KDM3B: variants seen among roughly 807,000 people sequenced by gnomAD.
KDM3B encodes the protein lysine-specific demethylase 3B.
KDM3B carries 10 observed loss-of-function variants against 170.0 expected under a neutral mutation model. That is an observed-to-expected ratio of 0.06 (90% CI 0.04 to 0.10). KDM3B has a LOEUF of 0.10. KDM3B is among the 10% of genes least tolerant of loss of function. KDM3B has a pLI of 1.00. For missense variants in KDM3B, 1,394 were observed against 2,195.2 expected, an observed-to-expected ratio of 0.64 and a Z score of 7.29; for synonymous variants, 831 against 834.8, an observed-to-expected ratio of 1.00 and a Z score of 0.08.
At position 138,378,058 on chromosome 5, in the gene KDM3B, A is replaced by G. The variant is rs538734327; in HGVS notation, c.580+233A>G. On this transcript the variant is annotated intron_variant, in intron 4 of 23. Transcript: ENST00000314358. ...AGATCTCATTCTCTCTCCATCACTC[A>G]CTCGTCTTATGGAGGTGTCTGTAAC... Among the ~76,000 whole-genome samples, 9 of 152,088 alleles carry G rather than the reference A, an allele frequency of 5.9e-5. No homozygotes were observed. The South Asian group carries it at 1.5e-3, about 25-fold the overall frequency.
At chr5:138,374,139 A>C (rs1761938939) in intron 2 of KDM3B, among the ~76,000 whole-genome samples, 1 of 151,446 alleles carries the variant, frequency 6.6e-6, no homozygotes, top group African/African-American at 2.4e-5. Context: ...GATTACAGGC[A>C]TGCGCCACCA....
intron 7 of KDM3B, among the ~76,000 whole-genome samples, chr5:138,390,759 A>G (rs547595231): frequency 4.1e-4 from 62 of 152,332 alleles, no homozygotes; most frequent in African/African-American, 1.4e-3. Context: ...ATAACAACCA[A>G]GGGAATTGCA....
At chr5:138,370,255 A>G (rs1183898827) in intron 1 of KDM3B, among the ~76,000 whole-genome samples, 1 of 152,198 alleles carries the variant, frequency 6.6e-6, no homozygotes, top group Non-Finnish European at 1.5e-5. Context: ...AATGAAGCTT[A>G]CTTTTCTCAT....
At chr5:138,387,741 T>A (rs1224252621) in intron 7 of KDM3B, among the ~76,000 whole-genome samples, 1 of 152,312 alleles carries the variant, frequency 6.6e-6, no homozygotes, top group East Asian at 1.9e-4. Flanking sequence ...GAGGATCTTA[T>A]ATGGATTTCC....
At chr5:138,357,127 C>T (rs888035244) in intron 1 of KDM3B, among the ~76,000 whole-genome samples, 1 of 152,074 alleles carries the variant, frequency 6.6e-6, no homozygotes, top group South Asian at 2.1e-4. Flanking sequence ...CCAGGGACTA[C>T]AGGCATGCGC....
At chr5:138,398,437 A>G (rs1393717132) in intron 10 of KDM3B, 45 bp downstream of exon 10, 1 of 1,556,032 alleles carries the variant, frequency 6.4e-7, no homozygotes, top group African/African-American at 1.4e-5. Flanking sequence ...CTAGTGAAAA[A>G]CTTTTATTTT....
chr5:138,372,939 T>A (rs768508494), intron 2 of KDM3B, 98 bp downstream of exon 2: 89 of 1,075,866 alleles, frequency 8.3e-5, no homozygotes, highest in Non-Finnish European at 1.0e-4. Context: ...ACTACATACT[T>A]TGTCCTTAAC....
intron 10 of KDM3B, among the ~76,000 whole-genome samples, chr5:138,398,977 C>A (rs73257854): frequency 0.25 from 37,731 of 149,672 alleles, 5,377 homozygotes; most frequent in East Asian, 0.56. Context: ...CAACCTCCAC[C>A]TCCCAGGTTC....
At chr5:138,384,609 GGC>G (rs1762208246) in intron 6 of KDM3B, among the ~76,000 whole-genome samples, 2 of 151,908 alleles carry the variant, frequency 1.3e-5, no homozygotes, top group African/African-American at 2.4e-5. Flanking sequence ...CATGGTGGCA[GGC>G]GCCTGTAGTC....
In KDM3B at chr5:138,380,318, A is replaced by G. The variant is rs771163557; in HGVS notation, c.705+610A>G. On this transcript the variant is annotated intron_variant, in intron 5 of 23. Transcript: ENST00000314358. ...TTATTATATTATATTTATTTATATG[A>G]TATATATGAGTTATATGATATATAA... 1.3e-3 allele frequency among the ~76,000 whole-genome samples: 190 copies of G among 148,818 alleles called. 1 individual carries two copies. The highest frequency in any genetic ancestry group is 1.9e-3 in the Non-Finnish European group (127 of 67,370).
chr5:138,377,550 A>C (rs1762028548), intron 3 of KDM3B, among the ~76,000 whole-genome samples, 170 bp from the exon 4 acceptor site: 1 of 152,224 alleles, frequency 6.6e-6, no homozygotes, highest in Non-Finnish European at 1.5e-5. Flanking sequence ...GGCCTCCCAA[A>C]GTACTAAGAT....
chr5:138,388,784 C>T (rs1762350676), intron 7 of KDM3B, among the ~76,000 whole-genome samples: 1 of 152,136 alleles, frequency 6.6e-6, no homozygotes, highest in Admixed American at 6.5e-5. Context: ...TGCACTCCAG[C>T]TTGGGTGACA....
At chr5:138,407,790 A>G (rs1762860959) in intron 11 of KDM3B, among the ~76,000 whole-genome samples, 1 of 152,038 alleles carries the variant, frequency 6.6e-6, no homozygotes, top group Non-Finnish European at 1.5e-5. Context: ...GCTGTTCCCC[A>G]CACAACACCT....
intron 7 of KDM3B, among the ~76,000 whole-genome samples, chr5:138,389,922 C>T (rs1469916143): frequency 1.3e-5 from 2 of 151,904 alleles, no homozygotes; most frequent in Non-Finnish European, 2.9e-5. Context: ...TGCAGTGGCA[C>T]GATCTGGGCT....
intron 4 of KDM3B, among the ~76,000 whole-genome samples, chr5:138,378,416 A>T (rs1561764848): frequency 6.6e-6 from 1 of 152,320 alleles, no homozygotes; most frequent in East Asian, 1.9e-4. Flanking sequence ...AGACTCATTC[A>T]CATTAAAAGC....
intron 1 of KDM3B, among the ~76,000 whole-genome samples, chr5:138,356,862 T>C (rs1339288137): frequency 6.6e-6 from 1 of 152,142 alleles, no homozygotes; most frequent in Non-Finnish European, 1.5e-5. Flanking sequence ...CAGGATGGTC[T>C]CGATCTCCTG....
Position 138,391,056 on chromosome 5 carries a change from C to A in KDM3B, c.1424C>A (p.Pro475His). The change falls in exon 8 of 24, where the codon CCT becomes CAT. Residue 475 changes from proline to histidine, a missense_variant. Pro to His is a moderately conservative substitution (Grantham distance 77). Coordinates refer to ENST00000314358, the MANE Select transcript of KDM3B (RefSeq NM_016604.4). The surrounding 1 kb of genome is among the most constrained non-coding windows in gnomAD (Gnocchi z 5.0). ...SILASSGFGAPLPSSSQPLTF... is the reference protein window; with the variant it reads ...SILASSGFGAHLPSSSQPLTF... ...CTGGCCTCTTCTGGATTTGGAGCAC[C>A]TCTCCCTAGTTCATCGCAACCTTTG... 1 of 1,598,440 alleles carries A rather than the reference C, an allele frequency of 6.3e-7. No individual in the cohort carries two copies. Among genetic ancestry groups the A allele is most frequent in the Admixed American group, 1.8e-5 (1 of 56,894 alleles).
At chr5:138,360,592 G>A (rs75440777) in intron 1 of KDM3B, among the ~76,000 whole-genome samples, 7 of 63,620 alleles carry the variant, frequency 1.1e-4, no homozygotes, top group Non-Finnish European at 1.5e-4. Context: ...TTTTTTTTTT[G>A]AGACGGAGTC....
chr5:138,381,452 G>A, intron 5 of KDM3B, 64 bp from the exon 6 acceptor site: 2 of 1,028,966 alleles, frequency 1.9e-6, no homozygotes, highest in Non-Finnish European at 3.1e-6. Flanking sequence ...ACATTGATTA[G>A]GAAATTATAT....
Sources: allele counts gnomAD v4.1 joint callset (sites outside exome capture counted in the v4.1 genomes callset), GRCh38; gene constraint gnomAD v4.1.1; non-coding constraint Gnocchi (gnomAD v3.1); transcripts MANE v1.5; gene names NCBI Gene and HGNC (gene_info 2026-07-23, HGNC 2026-07-21).